Variants in MAGI2 observed in about 807,000 individuals in gnomAD.
MAGI2 encodes membrane-associated guanylate kinase, WW and PDZ domain-containing protein 2.
A neutral mutation model predicts 133.3 loss-of-function variants in MAGI2; 35 were observed. That is an observed-to-expected ratio of 0.26 (90% CI 0.20 to 0.35). MAGI2 has a LOEUF of 0.35. MAGI2 is among the 10% of genes least tolerant of loss of function. MAGI2 has a pLI of 1.00. For missense variants in MAGI2, 1,636 were observed against 1,863.4 expected, an observed-to-expected ratio of 0.88 and a Z score of 2.25; for synonymous variants, 729 against 710.6, an observed-to-expected ratio of 1.03 and a Z score of -0.41.
chr7:78,936,580 A>G (rs1263925364), intron 2 of MAGI2, among the ~76,000 whole-genome samples: 2 of 152,044 alleles, frequency 1.3e-5, no homozygotes, highest in Non-Finnish European at 2.9e-5. Flanking sequence ...TGAAAAGAAT[A>G]ACACTAAAAA....
At chr7:78,490,965 A>G (rs780342806) in intron 5 of MAGI2, among the ~76,000 whole-genome samples, 49 of 152,074 alleles carry the variant, frequency 3.2e-4, no homozygotes, top group Non-Finnish European at 4.9e-4. Flanking sequence ...AGAAGAGAGG[A>G]TGGAAATAGA....
chr7:78,057,977 G>GTATATATATATATATGTATATATATATA (rs1812778418), intron 21 of MAGI2, among the ~76,000 whole-genome samples: 1 of 106,612 alleles, frequency 9.4e-6, no homozygotes, highest in South Asian at 3.2e-4. Flanking sequence ...ATATATATGT[G>GTATATATATATATATGTATATATATATA]TATATATATA....
At chr7:79,319,822 G>A (rs931281723) in intron 1 of MAGI2, among the ~76,000 whole-genome samples, 5 of 152,010 alleles carry the variant, frequency 3.3e-5, no homozygotes, top group Admixed American at 1.3e-4. Flanking sequence ...GAAACCTAGC[G>A]GTGCCAGATT....
At chr7:78,633,228 C>T (rs1809218820) in intron 2 of MAGI2, among the ~76,000 whole-genome samples, 1 of 152,108 alleles carries the variant, frequency 6.6e-6, no homozygotes, top group Non-Finnish European at 1.5e-5. Flanking sequence ...ACAACAGATA[C>T]TGGGGTCTAC....
intron 2 of MAGI2, among the ~76,000 whole-genome samples, chr7:78,979,359 C>G (rs1228332653): frequency 6.6e-6 from 1 of 151,608 alleles, no homozygotes; most frequent in African/African-American, 2.4e-5. Context: ...AGTCCCCCCC[C>G]AGCCAATGCT....
At chr7:78,441,000 CAG>C (rs1787566539) in intron 6 of MAGI2, among the ~76,000 whole-genome samples, 1 of 152,026 alleles carries the variant, frequency 6.6e-6, no homozygotes, top group Admixed American at 6.6e-5. Context: ...CGGAAATGTC[CAG>C]TAGGCAGCTG....
At chr7:79,036,166 A>G (rs886404352) in intron 1 of MAGI2, among the ~76,000 whole-genome samples, 3 of 152,206 alleles carry the variant, frequency 2.0e-5, no homozygotes, top group Non-Finnish European at 4.4e-5. Context: ...CACATGTATA[A>G]TCCCTCACAG....
intron 2 of MAGI2, among the ~76,000 whole-genome samples, chr7:78,661,735 C>A (rs1186440934): frequency 6.6e-6 from 1 of 152,182 alleles, no homozygotes; most frequent in South Asian, 2.1e-4. Context: ...TCATTTGTAG[C>A]CTTCTGCTTA....
intron 6 of MAGI2, among the ~76,000 whole-genome samples, chr7:78,382,529 A>C (rs1057278975): frequency 6.6e-5 from 10 of 152,102 alleles, no homozygotes; most frequent in Non-Finnish European, 1.2e-4. Flanking sequence ...AAACTCATTG[A>C]GGTTCAAAAG....
chr7:78,221,954 G>T (rs1003240579), intron 10 of MAGI2, among the ~76,000 whole-genome samples: 9 of 152,032 alleles, frequency 5.9e-5, no homozygotes, highest in African/African-American at 2.2e-4. Flanking sequence ...GGAGGCTAAG[G>T]TGGGAGGATC....
At chr7:79,409,604 G>A (rs1846024065) in intron 1 of MAGI2, among the ~76,000 whole-genome samples, 1 of 151,970 alleles carries the variant, frequency 6.6e-6, no homozygotes, top group South Asian at 2.1e-4. Flanking sequence ...GAATAAAGTA[G>A]ATTATTTCAG....
chr7:79,353,549 A>C (rs1289500052), intron 1 of MAGI2: 1 of 451,292 alleles, frequency 2.2e-6, no homozygotes, highest in East Asian at 7.0e-5. Flanking sequence ...CACTGCTTCA[A>C]GGCAGTGATG....
chr7:79,198,251 C>A (rs919953839), intron 1 of MAGI2, among the ~76,000 whole-genome samples: 1 of 143,260 alleles, frequency 7.0e-6, no homozygotes, highest in Non-Finnish European at 1.5e-5. Flanking sequence ...AGACCGTGTT[C>A]AAAAACAAAC....
intron 1 of MAGI2, among the ~76,000 whole-genome samples, chr7:79,195,331 G>T (rs970428114): frequency 1.3e-5 from 2 of 151,964 alleles, no homozygotes; most frequent in African/African-American, 4.8e-5. Context: ...AGCTTTTAAT[G>T]ACAATTAACT....
At chr7:79,313,185 ATT>A (rs1156580651) in intron 1 of MAGI2, among the ~76,000 whole-genome samples, 3 of 152,160 alleles carry the variant, frequency 2.0e-5, no homozygotes, top group African/African-American at 7.2e-5. Flanking sequence ...TAAAATTATT[ATT>A]TCTTGTAAGC....
chr7:78,177,991 A>G lies in MAGI2; in HGVS notation c.2403+20T>C, dbSNP rs748740329. On this transcript the variant is annotated intron_variant, in intron 14 of 21. Coordinates refer to ENST00000354212, the MANE Select transcript of MAGI2 (RefSeq NM_012301.4). ...ATACAATACAGCCCCAAGCATGGAA[A>G]TAAAGAAGATTCAACTTACAGGCTG... The G allele has an allele frequency of 6.4e-7, 1 of 1,562,392 alleles. No homozygotes were observed. Among genetic ancestry groups the G allele is most frequent in the Non-Finnish European group, 8.8e-7 (1 of 1,133,464 alleles).
chr7:79,258,435 T>A (rs1474226145), intron 1 of MAGI2, among the ~76,000 whole-genome samples: 1 of 152,158 alleles, frequency 6.6e-6, no homozygotes, highest in Admixed American at 6.5e-5. Context: ...CCTTCTTCCT[T>A]CAACCAGGCC....
At chr7:78,185,155 T>C (rs1827565208) in intron 13 of MAGI2, among the ~76,000 whole-genome samples, 1 of 152,242 alleles carries the variant, frequency 6.6e-6, no homozygotes. Flanking sequence ...ATATGCAAAA[T>C]ATTGTTTCAA....
intron 6 of MAGI2, among the ~76,000 whole-genome samples, chr7:78,465,242 G>C (rs11976155): frequency 0.027 from 4,152 of 152,230 alleles, 162 homozygotes; most frequent in African/African-American, 0.086. Context: ...GGTGTCTGTA[G>C]GTAGGTCATT....
Sources: gnomAD v4.1 joint callset for allele counts (sites outside exome capture counted in the v4.1 genomes callset) on GRCh38, gnomAD v4.1.1 for gene constraint, MANE v1.5 for transcripts, NCBI Gene and HGNC (gene_info 2026-07-23, HGNC 2026-07-21) for gene names.